The following PDGFRB variants were observed in gnomAD, a reference collection of about 807,000 sequenced individuals.
PDGFRB encodes the protein platelet-derived growth factor receptor beta.
A neutral mutation model predicts 120.2 loss-of-function variants in PDGFRB; 42 were observed. The observed-to-expected ratio is 0.35, with a 90% CI of 0.27 to 0.45. The LOEUF (loss-of-function observed/expected upper bound fraction) is 0.45. Among genes scored for constraint, PDGFRB ranks in the 20% least tolerant of loss-of-function variants. The pLI is 1.00. For missense variants in PDGFRB, 1,149 were observed against 1,476.3 expected (o/e 0.78, Z 3.63); for synonymous variants, 586 against 606.8 (o/e 0.97, Z 0.50).
rs532710107 is a variant in PDGFRB, at chr5:150,123,490, C to T, written c.2024-289G>A. Among the ~76,000 whole-genome samples, 8 of 152,262 alleles carry T rather than the reference C, an allele frequency of 5.3e-5. 1 individual carries two copies. Among genetic ancestry groups the T allele is most frequent in the South Asian group, 4.1e-4 (2 of 4,824 alleles). ...ATGTCTTTATTGGCTGGGCACGTGG[C>T]GAGCTCGCAGTGTTGGCTCTTATTG... On this transcript the variant is annotated intron_variant, in intron 14 of 22. Transcript: ENST00000261799.
Position 150,120,094 on chromosome 5 carries a change from C to T in PDGFRB, c.2616G>A (p.Pro872=), listed in dbSNP as rs148709288. 233 of 1,598,872 alleles carry T rather than the reference C, an allele frequency of 1.5e-4. 2 individuals carry two copies. The African/African-American group carries it at 2.1e-3, about 14-fold the overall frequency. ...TGTAGAGGCTGTTGAAGATGCTCTC[C>T]GGAGCCATCCACTTTAAAGGCAAAA... The part of the protein sequence containing the change: ...STFLPLKWMA[P]ESIFNSLYTT... Residue 872 remains proline, a synonymous_variant, in exon 19 of 23, where the codon CCG becomes CCA. Transcript: ENST00000261799. This position sits in a 1 kb window ranked among gnomAD's most constrained non-coding sequence, Gnocchi z 4.3.
intron 1 of PDGFRB, among the ~76,000 whole-genome samples, chr5:150,143,866 T>TC (rs1240046554): frequency 1.3e-5 from 2 of 151,432 alleles, no homozygotes; most frequent in African/African-American, 4.9e-5. Flanking sequence ...ACCACGAACC[T>TC]CCCCACCAGC....
In PDGFRB at chr5:150,120,814, C is replaced by A. The variant is rs1561989080; in HGVS notation, c.2586+74G>T. ...AGATTTCCTATGAGCTGCAGCCACA[C>A]TGGTCAGGAGGGAATCTGTTCCTGC... On this transcript the variant is annotated intron_variant, in intron 18 of 22. Coordinates refer to ENST00000261799, the MANE Select transcript of PDGFRB (RefSeq NM_002609.4). This position sits in a 1 kb window ranked among gnomAD's most constrained non-coding sequence, Gnocchi z 4.3. 3.5e-6 allele frequency: 5 copies of A among 1,433,772 alleles called. No individual in the cohort carries two copies. The Admixed American group carries it at 7.0e-5, about 20-fold the overall frequency. 88.8% of individuals were successfully genotyped at this position (1,433,772 alleles called of 1,614,324 possible). A position where few individuals can be genotyped will look rare whatever the true frequency, so the allele number is the denominator to read the frequency against.
intron 10 of PDGFRB, among the ~76,000 whole-genome samples, chr5:150,128,677 T>G (rs1760364324): frequency 1.3e-5 from 2 of 152,224 alleles, no homozygotes. Flanking sequence ...TAACTTCTAG[T>G]CATTTTTCAG....
chr5:150,154,404 G>A (rs141589036), intron 1 of PDGFRB, among the ~76,000 whole-genome samples: 185 of 152,294 alleles, frequency 1.2e-3, no homozygotes, highest in African/African-American at 4.2e-3. Context: ...GTGGCTGCGT[G>A]AGCCTCAAGT....
chr5:150,120,841 G>C lies in PDGFRB; in HGVS notation c.2586+47C>G. On this transcript the variant is annotated intron_variant, in intron 18 of 22. Transcript: ENST00000261799. This position sits in a 1 kb window ranked among gnomAD's most constrained non-coding sequence, Gnocchi z 4.3. The stretch of plus-strand genomic sequence containing the variant: ...GGTCAGGAGGGAATCTGTTCCTGCG[G>C]TCACAGGCACTGTGACTGCCCTGCA... The C allele has an allele frequency of 2.5e-6, 4 of 1,592,904 alleles. No individual in the cohort carries two copies. The highest frequency in any genetic ancestry group is 1.7e-6 in the Non-Finnish European group (2 of 1,161,310).
rs1240381266 is a variant in PDGFRB, at chr5:150,129,957, T to G, written c.1379A>C (p.Glu460Ala). Residue 460 changes from glutamate to alanine, a missense_variant, in exon 10 of 23, where the codon GAG becomes GCG. Physicochemically the swap from Glu to Ala is moderately radical, Grantham distance 107 (BLOSUM62 -1). Transcript: ENST00000261799. ...GTTCCCCAGCAGCGTGGGCGGCAGCTCACGTGGACACCTGCCAGGAGAGCC... is the reference window on the plus strand; with the variant it reads ...GTTCCCCAGCAGCGTGGGCGGCAGCGCACGTGGACACCTGCCAGGAGAGCC... ...ACRDLKRCPR[E>A]LPPTLLGNSS... 3 of 1,613,584 alleles carry G rather than the reference T, an allele frequency of 1.9e-6. No homozygotes were observed. Among genetic ancestry groups the G allele is most frequent in the Middle Eastern group, 3.3e-4 (2 of 6,062 alleles).
chr5:150,123,615 T>A (rs536333539), intron 14 of PDGFRB, among the ~76,000 whole-genome samples: 1 of 152,366 alleles, frequency 6.6e-6, no homozygotes, highest in African/African-American at 2.4e-5. Context: ...TCAACTACAA[T>A]GCATTTACTT....
chr5:150,121,787 G>T lies in PDGFRB; in HGVS notation c.2344+93C>A. 2.0e-6 allele frequency: 2 copies of T among 980,708 alleles called. No homozygotes were observed. Among genetic ancestry groups the T allele is most frequent in the Non-Finnish European group, 1.6e-6 (1 of 631,390 alleles). The allele number at this position is 980,708 out of a possible 1,614,324, so 60.8% of individuals were successfully genotyped here. ...TCTACATCTATGAAATGGGCACGAG[G>T]CTCCCTTCTTCTCAGGGTTTTTGGC... On this transcript the variant is annotated intron_variant, in intron 16 of 22. Transcript: ENST00000261799. The surrounding 1 kb of genome is among the most constrained non-coding windows in gnomAD (Gnocchi z 4.1).
chr5:150,131,898 G>A lies in PDGFRB; in HGVS notation c.1243+81C>T. On this transcript the variant is annotated intron_variant, in intron 8 of 22. Transcript: ENST00000261799. Reference sequence around the variant, plus strand: ...TCCCTCTCCCACTCCTCCCATGGGTGGGTGGACAGTGCAGGAAGGGAGAGG... The same window carrying A: ...TCCCTCTCCCACTCCTCCCATGGGTAGGTGGACAGTGCAGGAAGGGAGAGG... 3 of 731,878 alleles carry A rather than the reference G, an allele frequency of 4.1e-6. No individual in the cohort carries two copies. In the East Asian group the frequency reaches 7.9e-5, roughly 19 times the overall value. 45.3% of individuals were successfully genotyped at this position (731,878 alleles called of 1,614,324 possible). A position where few individuals can be genotyped will look rare whatever the true frequency, so the allele number is the denominator to read the frequency against.
At chr5:150,145,055 C>T (rs114936489) in intron 1 of PDGFRB, among the ~76,000 whole-genome samples, 196 of 152,340 alleles carry the variant, frequency 1.3e-3, no homozygotes, top group Non-Finnish European at 2.1e-3. Context: ...TCCTTCCCAC[C>T]CTTCCACTCC....
chr5:150,129,615 C>A, intron 10 of PDGFRB, 142 bp downstream of exon 10: 1 of 658,182 alleles, frequency 1.5e-6, no homozygotes, highest in Non-Finnish European at 2.7e-6. Context: ...TGCATGTACA[C>A]AACAGGGTTT....
intron 1 of PDGFRB, among the ~76,000 whole-genome samples, chr5:150,143,300 G>A (rs1760831144): frequency 6.6e-6 from 1 of 152,236 alleles, no homozygotes. Flanking sequence ...GGTGACTACT[G>A]TACAGTCCTG....
intron 14 of PDGFRB, among the ~76,000 whole-genome samples, chr5:150,123,490 C>A (rs532710107): frequency 6.6e-6 from 1 of 152,144 alleles, no homozygotes; most frequent in Non-Finnish European, 1.5e-5. Context: ...GGGCACGTGG[C>A]GAGCTCGCAG....
At position 150,115,690 on chromosome 5, in the gene PDGFRB, T is replaced by TCAGGC. The variant is rs1759905091; in HGVS notation, c.*68_*72dup. 2.8e-6 allele frequency: 4 copies of TCAGGC among 1,410,442 alleles called. No homozygotes were observed. The highest frequency in any genetic ancestry group is 2.9e-5 in the South Asian group (2 of 68,358). The allele number at this position is 1,410,442 out of a possible 1,614,324, so 87.4% of individuals were successfully genotyped here. ...GCAGCCTGGCTGACAGGAAGCCCGG[T>TCAGGC]CAGGCCAGGCCAGGAGATGCTGGGT... On this transcript the variant is annotated 3_prime_UTR_variant, in exon 23 of 23. Coordinates refer to ENST00000261799, the MANE Select transcript of PDGFRB (RefSeq NM_002609.4).
chr5:150,128,632 A>G (rs1404358748), intron 10 of PDGFRB, among the ~76,000 whole-genome samples: 1 of 152,244 alleles, frequency 6.6e-6, no homozygotes. Flanking sequence ...TACACAGGCC[A>G]TTCCCTCTGA....
In PDGFRB at chr5:150,138,676, C is replaced by T. The variant is rs1760701415; in HGVS notation, c.-6-1623G>A. On this transcript the variant is annotated intron_variant, in intron 1 of 22. Coordinates refer to ENST00000261799, the MANE Select transcript of PDGFRB (RefSeq NM_002609.4). The stretch of plus-strand genomic sequence containing the variant: ...GCCCCCTCCAGCCTCTGCTCCCCAC[C>T]ATTCCTCTGCCCCAGCCCCTCCAGC... 2.0e-5 allele frequency among the ~76,000 whole-genome samples: 3 copies of T among 152,230 alleles called. No individual in the cohort carries two copies. The South Asian group carries it at 6.2e-4, about 32-fold the overall frequency.
At chr5:150,146,983 A>G (rs1409638044) in intron 1 of PDGFRB, among the ~76,000 whole-genome samples, 1 of 152,248 alleles carries the variant, frequency 6.6e-6, no homozygotes, top group Non-Finnish European at 1.5e-5. Context: ...ATAGAACTCC[A>G]CAATTTCGCT....
chr5:150,116,338 C>T (rs1420180796), intron 22 of PDGFRB, among the ~76,000 whole-genome samples: 1 of 152,158 alleles, frequency 6.6e-6, no homozygotes. Context: ...ACTGGCCGGG[C>T]GTGGTGGCTC....
Sources: gnomAD v4.1 joint callset for allele counts (sites outside exome capture counted in the v4.1 genomes callset) on GRCh38, gnomAD v4.1.1 for gene constraint, Gnocchi (gnomAD v3.1) non-coding constraint, MANE v1.5 for transcripts, NCBI Gene and HGNC (gene_info 2026-07-23, HGNC 2026-07-21) for gene names.